The following WASHC2A variants were observed in gnomAD, a reference collection of about 807,000 sequenced individuals.
The protein encoded by WASHC2A is WASH complex subunit 2A, also known as WASH complex subunit FAM21A.
WASHC2A carries 82 observed loss-of-function variants against 140.3 expected under a neutral mutation model. That is an observed-to-expected ratio of 0.58 (90% confidence interval 0.49 to 0.70). The LOEUF is 0.70. Among genes scored for constraint, WASHC2A ranks in the 30% least tolerant of loss-of-function variants. The pLI is 0.00. For synonymous variants in WASHC2A, 340 were observed against 560.8 expected, an observed-to-expected ratio of 0.61 and a Z score of 5.56; for missense variants, 985 against 1,521.8, an observed-to-expected ratio of 0.65 and a Z score of 5.87.
At chr10:50,082,211 T>G (rs2669676) in intron 5 of WASHC2A, among the ~76,000 whole-genome samples, 1 of 144,306 alleles carries the variant, frequency 6.9e-6, no homozygotes, top group Admixed American at 7.0e-5. Flanking sequence ...GGATTTGGGG[T>G]TGTCTTCTGA....
chr10:50,100,429 C>G (rs1841006577), intron 17 of WASHC2A, among the ~76,000 whole-genome samples: 1 of 152,112 alleles, frequency 6.6e-6, no homozygotes, highest in Admixed American at 6.5e-5. Context: ...TTGCAATGAA[C>G]CGAGATCACA....
At chr10:50,078,794 A>G in intron 4 of WASHC2A, 57 bp downstream of exon 4, 2 of 1,611,566 alleles carry the variant, frequency 1.2e-6, no homozygotes, top group East Asian at 4.5e-5. Context: ...TGTGGTGGAG[A>G]TCGATGTGTT....
chr10:50,068,114 A>G lies in WASHC2A; in HGVS notation c.13A>G (p.Thr5Ala). 2 of 1,606,250 alleles carry G rather than the reference A, an allele frequency of 1.2e-6. No individual in the cohort carries two copies. Among genetic ancestry groups the G allele is most frequent in the Non-Finnish European group, 8.5e-7 (1 of 1,177,312 alleles). The change falls in exon 2 of 31, where the codon ACG becomes GCG. Residue 5 changes from threonine (T) to alanine (A), a missense_variant. Thr to Ala is a moderately conservative substitution (Grantham distance 58, BLOSUM62 0). Coordinates refer to ENST00000282633, the MANE Select transcript of WASHC2A (RefSeq NM_001005751.3). Reference protein sequence around the residue: MMNRTTPDQELAPAS... With the variant: MMNRATPDQELAPAS... Reference sequence around the variant, plus strand: ...GTTTTTTTCGCTGCAGATGAACCGGACGACCCCCGACCAGGAGCTGGCGCC... The same window carrying G: ...GTTTTTTTCGCTGCAGATGAACCGGGCGACCCCCGACCAGGAGCTGGCGCC...
chr10:50,094,472 G>C (rs1840251530), intron 13 of WASHC2A, among the ~76,000 whole-genome samples: 1 of 151,026 alleles, frequency 6.6e-6, no homozygotes, highest in Non-Finnish European at 1.5e-5. Context: ...CTGTCCCCTT[G>C]GTGCAGTTTT....
At chr10:50,101,892 C>T (rs1234780973) in intron 17 of WASHC2A, among the ~76,000 whole-genome samples, 60 of 151,986 alleles carry the variant, frequency 3.9e-4, no homozygotes, top group Middle Eastern at 3.4e-3. Flanking sequence ...GTGTGGCTCC[C>T]AGCATGTAGT....
chr10:50,078,530 AC>A (rs1589155751), intron 3 of WASHC2A, 144 bp from the exon 4 acceptor site: 1 of 1,577,490 alleles, frequency 6.3e-7, no homozygotes, highest in East Asian at 2.3e-5. Context: ...TGTTACGGAC[AC>A]CCACCTGGTA....
chr10:50,117,718 C>T lies in WASHC2A; in HGVS notation c.2143-188C>T, dbSNP rs1413995826. 5.3e-5 allele frequency among the ~76,000 whole-genome samples: 7 copies of T among 131,410 alleles called. 1 individual carries two copies. Among genetic ancestry groups the T allele is most frequent in the Admixed American group, 1.7e-4 (2 of 11,792 alleles). 86.2% of individuals were successfully genotyped at this position (131,410 alleles called of 152,430 possible). ...ATGTGGTGGCGTGAAGTGTCCTGTC[C>T]ACAAGTCCCGGGTGGTGGTGTTTGT... On this transcript the variant is annotated intron_variant, in intron 21 of 30. Transcript: ENST00000282633.
At chr10:50,125,867 TAG>T (rs1250442924) in intron 25 of WASHC2A, among the ~76,000 whole-genome samples, 188 bp from the exon 26 acceptor site, 6 of 152,110 alleles carry the variant, frequency 3.9e-5, no homozygotes, top group African/African-American at 1.2e-4. Flanking sequence ...CTTTTTATCA[TAG>T]AGAGGACTCC....
intron 4 of WASHC2A, among the ~76,000 whole-genome samples, chr10:50,079,291 T>C (rs1452920799): frequency 6.6e-6 from 1 of 152,168 alleles, no homozygotes; most frequent in African/African-American, 2.4e-5. Context: ...TTATTACTTG[T>C]AACAGATGAA....
chr10:50,092,670 A>G (rs1420865502), intron 11 of WASHC2A, among the ~76,000 whole-genome samples: 1 of 150,938 alleles, frequency 6.6e-6, no homozygotes, highest in African/African-American at 2.4e-5. Context: ...AACAAACAGA[A>G]GCCTTGGAAG....
intron 13 of WASHC2A, 148 bp from the exon 14 acceptor site, chr10:50,095,000 A>G (rs1840332443): frequency 2.0e-6 from 3 of 1,492,304 alleles, no homozygotes; most frequent in East Asian, 4.9e-5. Flanking sequence ...AGAAAATACT[A>G]AAGAATTTTA....
intron 6 of WASHC2A, among the ~76,000 whole-genome samples, chr10:50,084,831 G>A (rs1179501992): frequency 1.4e-5 from 2 of 143,190 alleles, no homozygotes; most frequent in Admixed American, 7.1e-5. Flanking sequence ...CACCTCCTGG[G>A]TTCAAGCAAT....
At chr10:50,091,403 G>A (rs1839911610) in intron 9 of WASHC2A, 28 bp from the exon 10 acceptor site, 6 of 1,548,798 alleles carry the variant, frequency 3.9e-6, no homozygotes, top group South Asian at 1.2e-5. Flanking sequence ...TTACAAAAAA[G>A]CGATTCTTTT....
chr10:50,070,885 G>C (rs1393477613), intron 3 of WASHC2A, among the ~76,000 whole-genome samples: 2 of 90,234 alleles, frequency 2.2e-5, no homozygotes, highest in Non-Finnish European at 4.6e-5. Context: ...TACAAAATTA[G>C]CCGGGCATGG....
rs1190816401 is a variant in WASHC2A, at chr10:50,114,580, A to G, written c.2142+583A>G. Among the ~76,000 whole-genome samples, 9 of 134,790 alleles carry G rather than the reference A, an allele frequency of 6.7e-5. No individual in the cohort carries two copies. The East Asian group carries it at 1.9e-3, about 29-fold the overall frequency. 88.4% of individuals were successfully genotyped at this position (134,790 alleles called of 152,430 possible). On this transcript the variant is annotated intron_variant, in intron 21 of 30. Coordinates refer to ENST00000282633, the MANE Select transcript of WASHC2A (RefSeq NM_001005751.3). ...GTAAACATGGTGTAATTTAAACTTT[A>G]CAAAACAAGAAATACACATGAATGC...
At chr10:50,095,059 G>A in intron 13 of WASHC2A, 89 bp from the exon 14 acceptor site, 1 of 1,602,590 alleles carries the variant, frequency 6.2e-7, no homozygotes, top group East Asian at 2.2e-5. Context: ...GATACTAGCT[G>A]TGTTTTACAT....
chr10:50,102,838 A>T (rs1841345065), intron 17 of WASHC2A, among the ~76,000 whole-genome samples: 2 of 150,182 alleles, frequency 1.3e-5, no homozygotes, highest in Non-Finnish European at 1.5e-5. Context: ...CTGATGTTTT[A>T]TAACATTTTG....
chr10:50,069,895 C>T (rs1452817550), intron 3 of WASHC2A, among the ~76,000 whole-genome samples, 184 bp downstream of exon 3: 1 of 152,036 alleles, frequency 6.6e-6, no homozygotes, highest in African/African-American at 2.4e-5. Context: ...TTTTTCCAAG[C>T]CTCTAAAAAA....
intron 23 of WASHC2A, among the ~76,000 whole-genome samples, chr10:50,120,445 C>CT (rs1842926757): frequency 6.8e-6 from 1 of 146,050 alleles, no homozygotes; most frequent in South Asian, 2.2e-4. Flanking sequence ...CATAATGAAA[C>CT]CCTGTTTCTA....
Sources: allele counts gnomAD v4.1 joint callset (sites outside exome capture counted in the v4.1 genomes callset), GRCh38; gene constraint gnomAD v4.1.1; transcripts MANE v1.5; gene names NCBI Gene and HGNC (gene_info 2026-07-23, HGNC 2026-07-21).